NAE1: variants seen among roughly 807,000 people sequenced by gnomAD.
NAE1 encodes NEDD8-activating enzyme E1 regulatory subunit.
NAE1 carries 59 observed loss-of-function variants against 88.0 expected under a neutral mutation model. The ratio of observed to expected loss-of-function variants is 0.67; its 90% CI spans 0.54 to 0.83. NAE1 has a LOEUF of 0.83. Ranked by LOEUF, NAE1 falls within the 40% of genes least tolerant of loss-of-function variation. NAE1 has a pLI of 0.00. For missense variants in NAE1, 554 were observed against 632.8 expected, an observed-to-expected ratio of 0.88 and a Z score of 1.34; for synonymous variants, 186 against 208.9, an observed-to-expected ratio of 0.89 and a Z score of 0.95.
At chr16:66,826,906 C>T (rs1449513178) in intron 1 of NAE1, 126 bp from the exon 2 acceptor site, 23 of 807,898 alleles carry the variant, frequency 2.8e-5, no homozygotes, top group African/African-American at 3.5e-5. Flanking sequence ...ACAGGTAAGA[C>T]GGGAACAGAT....
intron 11 of NAE1, among the ~76,000 whole-genome samples, chr16:66,815,532 T>C (rs915958947): frequency 9.9e-5 from 15 of 152,100 alleles, no homozygotes; most frequent in African/African-American, 3.4e-4. Flanking sequence ...AATTTTTAAA[T>C]TTTTTGTAGA....
At chr16:66,829,199 G>T (rs1476517092) in intron 1 of NAE1, among the ~76,000 whole-genome samples, 1 of 152,150 alleles carries the variant, frequency 6.6e-6, no homozygotes, top group Non-Finnish European at 1.5e-5. Context: ...GACTTAAATG[G>T]AATGCCCTCA....
At chr16:66,809,179 A>T in intron 15 of NAE1, 104 bp from the exon 16 acceptor site, 3 of 710,740 alleles carry the variant, frequency 4.2e-6, no homozygotes, top group Non-Finnish European at 6.8e-6. Flanking sequence ...CCCTTCTCAG[A>T]CATGAGAATG....
intron 7 of NAE1, 115 bp from the exon 8 acceptor site, chr16:66,818,752 G>A (rs1960149110): frequency 3.7e-6 from 5 of 1,346,832 alleles, no homozygotes; most frequent in Non-Finnish European, 3.9e-6. Context: ...ACAGCTCACT[G>A]CTGAAACTCC....
chr16:66,806,428 C>CTTTTTTTTTTTTTTTTTTTT (rs897924997), intron 17 of NAE1, among the ~76,000 whole-genome samples: 1 of 147,936 alleles, frequency 6.8e-6, no homozygotes. Flanking sequence ...TAATAGGTAA[C>CTTTTTTTTTTTTTTTTTTTT]TTTTTTTTTT....
chr16:66,829,824 A>G (rs1240751389), intron 1 of NAE1, among the ~76,000 whole-genome samples: 1 of 152,268 alleles, frequency 6.6e-6, no homozygotes, highest in Non-Finnish European at 1.5e-5. Flanking sequence ...ACTGAGCACA[A>G]GCAATGAGGC....
intron 1 of NAE1, among the ~76,000 whole-genome samples, chr16:66,830,034 C>T (rs1486915930): frequency 6.6e-6 from 1 of 152,076 alleles, no homozygotes; most frequent in Non-Finnish European, 1.5e-5. Flanking sequence ...TACAGGCGCG[C>T]ACCACCACGC....
Position 66,824,825 on chromosome 16 carries a change from C to A in NAE1, c.249+30G>T. On this transcript the variant is annotated intron_variant, in intron 4 of 19. Transcript: ENST00000290810. ...AAACACAGGGGCATCATTAGATGCT[C>A]ACATCCAACTATATTCTCTAATTGT... The A allele has an allele frequency of 1.9e-6, 3 of 1,584,128 alleles. No individual in the cohort carries two copies. The South Asian group carries it at 3.4e-5, about 18-fold the overall frequency.
Position 66,823,287 on chromosome 16 carries a change from T to C in NAE1, c.341A>G (p.Asp114Gly). 1 of 1,603,398 alleles carries C rather than the reference T, an allele frequency of 6.2e-7. No individual in the cohort carries two copies. The highest frequency in any genetic ancestry group is 8.5e-7 in the Non-Finnish European group (1 of 1,176,700). The change falls in exon 6 of 20, where the codon GAC (aspartate) becomes GGC (glycine). Residue 114 changes from aspartate (D) to glycine (G), a missense_variant. Asp to Gly is a moderately conservative substitution (Grantham distance 94). Coordinates refer to ENST00000290810, the MANE Select transcript of NAE1 (RefSeq NM_003905.4). ...CCTACAGAAAAATGAGGGATCATTG[T>C]CTAGAAGGTTTTCTGGACTCTAAAC... is the stretch of plus-strand genomic sequence containing the variant. ...FVEESPENLLDNDPSFFCRFT... is the reference protein window; with the variant it reads ...FVEESPENLLGNDPSFFCRFT...
At chr16:66,820,837 G>C (rs1457444428) in intron 7 of NAE1, among the ~76,000 whole-genome samples, 2 of 149,458 alleles carry the variant, frequency 1.3e-5, no homozygotes, top group Non-Finnish European at 2.9e-5. Context: ...GGAGGTGGAG[G>C]TAGCAGTGAG....
At chr16:66,820,613 G>A (rs1479004919) in intron 7 of NAE1, among the ~76,000 whole-genome samples, 1 of 151,420 alleles carries the variant, frequency 6.6e-6, no homozygotes, top group Non-Finnish European at 1.5e-5. Flanking sequence ...CAAAAAATTA[G>A]CTGGGCGGCC....
intron 1 of NAE1, 97 bp from the exon 2 acceptor site, chr16:66,826,877 G>A (rs1169397835): frequency 4.6e-6 from 5 of 1,093,198 alleles, no homozygotes; most frequent in Non-Finnish European, 6.6e-6. Flanking sequence ...TGCATAGACT[G>A]ATATGATAAC....
intron 14 of NAE1, 131 bp from the exon 15 acceptor site, chr16:66,810,544 T>G: frequency 9.0e-7 from 1 of 1,110,558 alleles, no homozygotes; most frequent in Non-Finnish European, 1.3e-6. Flanking sequence ...AAAAATATCT[T>G]GTTTCCTTAT....
intron 6 of NAE1, 148 bp downstream of exon 6, chr16:66,823,076 CAAA>C (rs776599321): frequency 5.7e-3 from 853 of 150,726 alleles, no homozygotes; most frequent in Middle Eastern, 0.016. Context: ...AGCTCAAGCT[CAAA>C]AAAAAAAAAA....
At chr16:66,814,608 A>AAC (rs531304448) in intron 11 of NAE1, among the ~76,000 whole-genome samples, 1 of 41,212 alleles carries the variant, frequency 2.4e-5, no homozygotes, top group Non-Finnish European at 4.3e-5. Context: ...AAAAAAAAAA[A>AAC]ATACACACAC....
rs1960052049 is a variant in NAE1, at chr16:66,816,566, CA to C, written c.840+14del. ...CATCTTGTTCATGTGAATCCCTCAG[CA>C]ACTCTTTCATTACCTGAGTTGTATT... On this transcript the variant is annotated intron_variant, in intron 11 of 19. Coordinates refer to ENST00000290810, the MANE Select transcript of NAE1 (RefSeq NM_003905.4). 2 of 1,557,140 alleles carry C rather than the reference CA, an allele frequency of 1.3e-6. No homozygotes were observed. The highest frequency in any genetic ancestry group is 1.8e-6 in the Non-Finnish European group (2 of 1,129,750).
intron 11 of NAE1, among the ~76,000 whole-genome samples, chr16:66,815,513 C>T (rs1365983184): frequency 3.3e-5 from 5 of 152,224 alleles, no homozygotes; most frequent in Admixed American, 2.6e-4. Context: ...CATGCCACCA[C>T]ACCCATCTAA....
At position 66,823,304 on chromosome 16, in the gene NAE1, A is replaced by G; in HGVS notation, c.324T>C (p.Ser108=). 5 of 1,597,512 alleles carry G rather than the reference A, an allele frequency of 3.1e-6. No homozygotes were observed. The highest frequency in any genetic ancestry group is 3.5e-5 in the Admixed American group (2 of 56,742). ...GATCATTGTCTAGAAGGTTTTCTGG[A>G]CTCTAAACAGGACAGCAAAGAAAAA... is the stretch of plus-strand genomic sequence containing the variant. The part of the protein sequence containing the change: ...SDVSGSFVEE[S]PENLLDNDPS... The change falls in exon 6 of 20, where the codon AGT becomes AGC. Residue 108 remains serine, a splice_region_variant and synonymous_variant. Transcript: ENST00000290810.
At chr16:66,816,154 A>T (rs1960037585) in intron 11 of NAE1, among the ~76,000 whole-genome samples, 1 of 152,056 alleles carries the variant, frequency 6.6e-6, no homozygotes, top group African/African-American at 2.4e-5. Context: ...AGACCTCAAC[A>T]ACTAAGCCAT....
Sources: allele counts gnomAD v4.1 joint callset (sites outside exome capture counted in the v4.1 genomes callset), GRCh38; gene constraint gnomAD v4.1.1; transcripts MANE v1.5; gene names NCBI Gene and HGNC (gene_info 2026-07-23, HGNC 2026-07-21).